The following COLEC10 variants were observed in gnomAD, a reference collection of about 807,000 sequenced individuals.
The protein encoded by COLEC10 is collectin-10.
COLEC10 carries 22 observed loss-of-function variants against 28.4 expected under a neutral mutation model. That is an observed-to-expected ratio of 0.78 (90% confidence interval 0.55 to 1.11). COLEC10 has a LOEUF of 1.11. Among genes scored for constraint, COLEC10 ranks in the 50% least tolerant of loss-of-function variants. The pLI, the probability that COLEC10 is intolerant of heterozygous loss-of-function variation, is 0.00. For missense variants in COLEC10, 361 were observed against 344.1 expected, an observed-to-expected ratio of 1.05 and a Z score of -0.39; for synonymous variants, 125 against 116.1, an observed-to-expected ratio of 1.08 and a Z score of -0.49.
intron 1 of COLEC10, among the ~76,000 whole-genome samples, chr8:118,996,991 C>A (rs896892559): frequency 6.6e-6 from 1 of 152,158 alleles, no homozygotes; most frequent in Admixed American, 6.5e-5. Context: ...GGATCCACCC[C>A]CATGACAAAC....
At chr8:118,953,481 A>G in the COLEC10 span, among the ~76,000 whole-genome samples, 1 of 152,220 alleles carries the variant, frequency 6.6e-6, no homozygotes, top group Non-Finnish European at 1.5e-5. Flanking sequence ...CTCAGAACAT[A>G]AAATGATGCC....
At chr8:118,989,414 A>G in the COLEC10 span, among the ~76,000 whole-genome samples, 1 of 152,138 alleles carries the variant, frequency 6.6e-6, no homozygotes, top group African/African-American at 2.4e-5. Context: ...AGAATGGAGC[A>G]GAAGAAATAC....
chr8:119,050,391 C>A (rs1473957656), intron 2 of COLEC10, among the ~76,000 whole-genome samples: 1 of 152,106 alleles, frequency 6.6e-6, no homozygotes. Flanking sequence ...CAACTTATGG[C>A]AGCCTTAAAG....
At chr8:119,058,839 CA>C (rs1039333444) in intron 2 of COLEC10, among the ~76,000 whole-genome samples, 6 of 151,902 alleles carry the variant, frequency 3.9e-5, no homozygotes, top group African/African-American at 1.5e-4. Context: ...AGAAGCTGAC[CA>C]ACTGTTTTCA....
intron 1 of COLEC10, among the ~76,000 whole-genome samples, chr8:119,005,950 G>A (rs1813786090): frequency 6.6e-6 from 1 of 152,070 alleles, no homozygotes; most frequent in Admixed American, 6.6e-5. Flanking sequence ...TCCACTAGGA[G>A]GATTTTCCCC....
the COLEC10 span, among the ~76,000 whole-genome samples, chr8:118,987,596 C>T: frequency 6.6e-6 from 1 of 152,040 alleles, no homozygotes; most frequent in Non-Finnish European, 1.5e-5. Context: ...ATTACATACT[C>T]CTCATTAAAA....
intron 1 of COLEC10, among the ~76,000 whole-genome samples, chr8:119,080,724 T>C (rs35574102): frequency 0.024 from 3,643 of 152,166 alleles, 60 homozygotes; most frequent in South Asian, 0.08. Context: ...GCTAATGATA[T>C]CTCTTTTTAC....
At chr8:119,057,730 A>T (rs1335047964) in intron 2 of COLEC10, among the ~76,000 whole-genome samples, 1 of 152,090 alleles carries the variant, frequency 6.6e-6, no homozygotes, top group African/African-American at 2.4e-5. Context: ...TCAAGCTCAA[A>T]TTCCCATCAT....
chr8:119,042,461 A>C (rs941664215), intron 2 of COLEC10, among the ~76,000 whole-genome samples: 1 of 151,924 alleles, frequency 6.6e-6, no homozygotes, highest in Non-Finnish European at 1.5e-5. Context: ...GAGATTTTGC[A>C]CTAAGGTAGC....
At chr8:118,986,279 A>G in the COLEC10 span, among the ~76,000 whole-genome samples, 1 of 152,172 alleles carries the variant, frequency 6.6e-6, no homozygotes, top group African/African-American at 2.4e-5. Context: ...TGGAAATTCA[A>G]AATCTGGCCC....
the COLEC10 span, among the ~76,000 whole-genome samples, chr8:118,987,444 A>G: frequency 6.6e-6 from 1 of 152,204 alleles, no homozygotes; most frequent in East Asian, 1.9e-4. Context: ...CAGGGCTGTA[A>G]TCCCAGCTAT....
Position 119,067,293 on chromosome 8 carries a change from T to C in COLEC10, c.12T>C (p.Phe4=). The C allele has an allele frequency of 6.2e-7, 1 of 1,613,972 alleles. No individual in the cohort carries two copies. Among genetic ancestry groups the C allele is most frequent in the African/African-American group, 1.3e-5 (1 of 75,052 alleles). MNG[F]ASLLRRNQFI... ...GAGGAACCACAGCAATGAATGGCTT[T>C]GCATCCTTGCTTCGAAGAAACCAAT... The change falls in exon 1 of 6, where the codon TTT becomes TTC. Residue 4 remains phenylalanine, a synonymous_variant. Coordinates refer to ENST00000332843, the MANE Select transcript of COLEC10 (RefSeq NM_006438.5).
chr8:118,978,560 T>TTTTA, the COLEC10 span, among the ~76,000 whole-genome samples: 91,814 of 151,368 alleles, frequency 0.61, 29,073 homozygotes, highest in African/African-American at 0.79. Flanking sequence ...CTATTTGCAT[T>TTTTA]TTTGTTCTCT....
At chr8:119,094,606 C>A (rs1247032911) in intron 3 of COLEC10, among the ~76,000 whole-genome samples, 1 of 152,114 alleles carries the variant, frequency 6.6e-6, no homozygotes, top group African/African-American at 2.4e-5. Flanking sequence ...TCTGTACTAC[C>A]TTCCTCCCAA....
At chr8:119,066,230 C>A (rs1814952749), upstream of COLEC10, among the ~76,000 whole-genome samples, 1 of 152,142 alleles carries the variant, frequency 6.6e-6, no homozygotes, top group Non-Finnish European at 1.5e-5. Context: ...AGATGCTGTT[C>A]AAGAATGGAG....
chr8:119,011,312 C>T (rs1369800802), intron 2 of COLEC10, among the ~76,000 whole-genome samples: 1 of 150,768 alleles, frequency 6.6e-6, no homozygotes, highest in Non-Finnish European at 1.5e-5. Context: ...TATTTTTGGG[C>T]TCTCTGTTCT....
chr8:119,017,502 C>A (rs1197706247), intron 2 of COLEC10, among the ~76,000 whole-genome samples: 1 of 152,118 alleles, frequency 6.6e-6, no homozygotes, highest in Admixed American at 6.6e-5. Context: ...AGGCTGAAAC[C>A]AGCTCTGTGG....
upstream of COLEC10, among the ~76,000 whole-genome samples, chr8:118,992,673 A>T (rs896517364): frequency 1.3e-5 from 2 of 152,180 alleles, no homozygotes; most frequent in African/African-American, 4.8e-5. Context: ...TTTTTATCTC[A>T]TTCTACCTTT....
chr8:119,104,110 A>C (rs1815893712), intron 5 of COLEC10, among the ~76,000 whole-genome samples: 1 of 152,126 alleles, frequency 6.6e-6, no homozygotes. Context: ...TGCATTGCTT[A>C]TGGGAAGAGA....
Sources: gnomAD v4.1 joint callset for allele counts (sites outside exome capture counted in the v4.1 genomes callset) on GRCh38, gnomAD v4.1.1 for gene constraint, MANE v1.5 for transcripts, NCBI Gene and HGNC (gene_info 2026-07-23, HGNC 2026-07-21) for gene names.